NAV1: variants seen among roughly 807,000 people sequenced by gnomAD.
NAV1 encodes neuron navigator 1.
In NAV1, 18 loss-of-function variants were observed where a neutral mutation model predicts 175.2. That is an observed-to-expected ratio of 0.10 (90% CI 0.07 to 0.15). The LOEUF is 0.15. Ranked by LOEUF, NAV1 falls within the 10% of genes least tolerant of loss-of-function variation. The pLI is 1.00. For missense variants in NAV1, 1,731 were observed against 2,436.6 expected, an observed-to-expected ratio of 0.71 and a Z score of 6.10; for synonymous variants, 897 against 978.7, an observed-to-expected ratio of 0.92 and a Z score of 1.56.
At chr1:201,608,016 T>G (rs1446450273) in intron 2 of NAV1, among the ~76,000 whole-genome samples, 1 of 151,896 alleles carries the variant, frequency 6.6e-6, no homozygotes, top group Non-Finnish European at 1.5e-5. Context: ...TTCTTTTTTA[T>G]GTTTTGAGAT....
At position 201,808,315 on chromosome 1, in the gene NAV1, C is replaced by G; in HGVS notation, c.3846-103C>G. 2.8e-6 allele frequency: 4 copies of G among 1,419,678 alleles called. No homozygotes were observed. Among genetic ancestry groups the G allele is most frequent in the Non-Finnish European group, 3.8e-6 (4 of 1,046,560 alleles). The allele number at this position is 1,419,678 out of a possible 1,614,324, so 87.9% of individuals were successfully genotyped here. A position where few individuals can be genotyped will look rare whatever the true frequency, so the allele number is the denominator to read the frequency against. On this transcript the variant is annotated intron_variant, in intron 18 of 29. Coordinates refer to ENST00000367296, the Ensembl canonical transcript of NAV1. This position sits in a 1 kb window ranked among gnomAD's most constrained non-coding sequence, Gnocchi z 5.5. ...CTTTCTTCTCATGCTGATTGAATAT[C>G]AATGGGCAGGAGAAGCCAAGACCAC...
intron 3 of NAV1, among the ~76,000 whole-genome samples, chr1:201,730,021 A>G (rs557493615): frequency 2.0e-5 from 3 of 152,304 alleles, no homozygotes; most frequent in Admixed American, 1.3e-4. Flanking sequence ...GCCATCATCT[A>G]TGGCCAACTA....
At chr1:201,811,330 G>A (rs1878610) in intron 24 of NAV1, among the ~76,000 whole-genome samples, 147,604 of 152,206 alleles carry the variant, frequency 0.97, 71,746 homozygotes, top group East Asian at 1. Flanking sequence ...ATGCCCATTA[G>A]TAGTAGTCCA....
chr1:201,540,611 G>T, intron 1 of NAV1, among the ~76,000 whole-genome samples: 1 of 152,188 alleles, frequency 6.6e-6, no homozygotes, highest in Non-Finnish European at 1.5e-5. Context: ...TATGATTCCA[G>T]CTTGCTTATG....
intron 2 of NAV1, among the ~76,000 whole-genome samples, chr1:201,641,583 A>C (rs2102314021): frequency 6.6e-6 from 1 of 152,342 alleles, no homozygotes; most frequent in African/African-American, 2.4e-5. Context: ...CAATGGCTAG[A>C]GGGCTTTCCA....
chr1:201,788,454 C>T lies in NAV1; in HGVS notation c.2996-14C>T. On this transcript the variant is annotated splice_polypyrimidine_tract_variant and intron_variant, in intron 9 of 29. Transcript: ENST00000367296. The surrounding 1 kb of genome is among the most constrained non-coding windows in gnomAD (Gnocchi z 5.7). ...CTGCTCCCTCTCCTGTCCCCCTTCC[C>T]TCTGTCCTTCCAGTGAGTCCCACTG... 1 of 1,613,930 alleles carries T rather than the reference C, an allele frequency of 6.2e-7. No homozygotes were observed. The highest frequency in any genetic ancestry group is 8.5e-7 in the Non-Finnish European group (1 of 1,179,958).
chr1:201,612,675 C>T (rs1035059045), intron 2 of NAV1, among the ~76,000 whole-genome samples: 1 of 152,082 alleles, frequency 6.6e-6, no homozygotes, highest in African/African-American at 2.4e-5. Context: ...AAGGTGTAGC[C>T]CTCATGACCT....
At chr1:201,629,298 T>G in intron 1 of NAV1, 106 bp from the exon 4 acceptor site, 1 of 696,676 alleles carries the variant, frequency 1.4e-6, no homozygotes, top group Non-Finnish European at 2.1e-6. Flanking sequence ...CAGGGCACTA[T>G]CAGAGAAGAA....
At chr1:201,589,185 C>T (rs1422122221) in intron 2 of NAV1, among the ~76,000 whole-genome samples, 1 of 152,160 alleles carries the variant, frequency 6.6e-6, no homozygotes, top group Non-Finnish European at 1.5e-5. Flanking sequence ...ATCATATCTC[C>T]ATTTTTTAGA....
intron 17 of NAV1, among the ~76,000 whole-genome samples, chr1:201,805,007 C>T (rs1302534679): frequency 6.6e-6 from 1 of 152,156 alleles, no homozygotes; most frequent in Admixed American, 6.5e-5. Flanking sequence ...CAGGAGGGCA[C>T]ACTCAAGTCA....
At position 201,739,679 on chromosome 1, in the gene NAV1, G is replaced by A. The variant is rs534049461; in HGVS notation, c.1226+20924G>A. 305 of 685,504 alleles carry A rather than the reference G, an allele frequency of 4.4e-4. 4 individuals carry two copies. The African/African-American group carries it at 5.4e-3, about 12-fold the overall frequency. 42.5% of individuals were successfully genotyped at this position (685,504 alleles called of 1,614,324 possible). A position where few individuals can be genotyped will look rare whatever the true frequency, so the allele number is the denominator to read the frequency against. On this transcript the variant is annotated intron_variant, in intron 3 of 29. Transcript: ENST00000367296. ...GGAGGTCGAGCCCCCAGCCCCGTCG[G>A]CACCTCCAGGCTTCCGAGGCCACCG...
At chr1:201,542,056 C>G (rs1168751047) in intron 1 of NAV1, among the ~76,000 whole-genome samples, 1 of 152,180 alleles carries the variant, frequency 6.6e-6, no homozygotes, top group Non-Finnish European at 1.5e-5. Context: ...CCTCCCAACC[C>G]CTGCTCTTCT....
chr1:201,675,984 T>C (rs1670234881), intron 1 of NAV1, among the ~76,000 whole-genome samples: 1 of 152,210 alleles, frequency 6.6e-6, no homozygotes, highest in Admixed American at 6.5e-5. Context: ...AAAGCTCTTT[T>C]CACTTCTAGT....
At chr1:201,781,221 C>T (rs757214872) in exon 5 of NAV1, 3 of 1,613,860 alleles carry the variant, frequency 1.9e-6, no homozygotes, top group African/African-American at 1.3e-5. Flanking sequence ...GCCTGGGCCA[C>T]CCTGGTTCCC....
intron 3 of NAV1, among the ~76,000 whole-genome samples, chr1:201,778,909 A>C (rs1307870679): frequency 6.6e-6 from 1 of 152,256 alleles, no homozygotes; most frequent in Non-Finnish European, 1.5e-5. Flanking sequence ...AAAAATCTTC[A>C]GCCTTTTAGT....
chr1:201,557,929 G>C (rs968851897), intron 1 of NAV1, among the ~76,000 whole-genome samples: 3 of 152,094 alleles, frequency 2.0e-5, no homozygotes, highest in African/African-American at 4.8e-5. Flanking sequence ...GGAACCCTGC[G>C]CAAGGGGCTT....
chr1:201,745,828 T>TTATA (rs1673731993), intron 3 of NAV1, among the ~76,000 whole-genome samples: 3 of 151,746 alleles, frequency 2.0e-5, no homozygotes, highest in African/African-American at 7.3e-5. Flanking sequence ...GTTAATTTTA[T>TTATA]TGTATTTATT....
upstream of NAV1, among the ~76,000 whole-genome samples, chr1:201,643,442 CT>C (rs1421791901): frequency 1.2e-4 from 16 of 128,208 alleles, no homozygotes; most frequent in South Asian, 5.1e-4. Flanking sequence ...TCTTTTTTTT[CT>C]TTTTTTTTGA....
chr1:201,720,834 G>A (rs1470145778), intron 3 of NAV1, among the ~76,000 whole-genome samples: 1 of 152,050 alleles, frequency 6.6e-6, no homozygotes, highest in Non-Finnish European at 1.5e-5. Context: ...CCAGACTGAT[G>A]GAGAGACATG....
Sources: allele counts gnomAD v4.1 joint callset (sites outside exome capture counted in the v4.1 genomes callset), GRCh38; gene constraint gnomAD v4.1.1; non-coding constraint Gnocchi (gnomAD v3.1); transcripts MANE v1.5; gene names NCBI Gene and HGNC (gene_info 2026-07-23, HGNC 2026-07-21).